Variants in CSNK2A2IP observed in about 807,000 individuals in gnomAD.
CSNK2A2IP encodes the protein casein kinase 2 subunit alpha' interacting protein, also known as casein kinase II subunit alpha'-interacting protein.
chr3:88,449,153 T>G, the CSNK2A2IP span, among the ~76,000 whole-genome samples: 1 of 152,146 alleles, frequency 6.6e-6, no homozygotes, highest in African/African-American at 2.4e-5. Context: ...TATTTTTGTT[T>G]TTATTTGGTG....
chr3:88,457,522 C>A, the CSNK2A2IP span, among the ~76,000 whole-genome samples: 1 of 151,610 alleles, frequency 6.6e-6, no homozygotes, highest in Admixed American at 6.6e-5. Context: ...ATGGTGAAAC[C>A]CAGTCTCTAC....
At chr3:88,418,544 A>G in the CSNK2A2IP span, among the ~76,000 whole-genome samples, 6 of 152,054 alleles carry the variant, frequency 3.9e-5, no homozygotes, top group African/African-American at 1.4e-4. Flanking sequence ...ATAAAATCAT[A>G]TTTTACTACT....
At chr3:88,462,050 A>G in the CSNK2A2IP span, among the ~76,000 whole-genome samples, 218 of 151,482 alleles carry the variant, frequency 1.4e-3, no homozygotes, top group Admixed American at 4.5e-3. Context: ...TGTTTTGCCC[A>G]TCCTAATTCC....
the CSNK2A2IP span, among the ~76,000 whole-genome samples, chr3:88,384,509 G>A: frequency 2.4e-4 from 37 of 152,170 alleles, no homozygotes; most frequent in Admixed American, 2.1e-3. Flanking sequence ...AAGCTGGTGC[G>A]GCTGTTGTAT....
the CSNK2A2IP span, among the ~76,000 whole-genome samples, chr3:88,379,065 C>T: frequency 1.3e-5 from 2 of 151,910 alleles, no homozygotes; most frequent in Admixed American, 6.6e-5. Context: ...TTGCTAGACA[C>T]GAAAATCATC....
chr3:88,439,529 G>A, the CSNK2A2IP span, among the ~76,000 whole-genome samples: 1 of 151,828 alleles, frequency 6.6e-6, no homozygotes, highest in African/African-American at 2.4e-5. Flanking sequence ...AGATCATGAG[G>A]TCAGGAGATG....
At chr3:88,371,434 G>T in the CSNK2A2IP span, among the ~76,000 whole-genome samples, 1 of 151,672 alleles carries the variant, frequency 6.6e-6, no homozygotes, top group African/African-American at 2.4e-5. Flanking sequence ...TACCTTAGAT[G>T]GGTTCAAAAG....
chr3:88,466,481 G>A, the CSNK2A2IP span: 1 of 1,231,892 alleles, frequency 8.1e-7, no homozygotes, highest in South Asian at 4.1e-5. Flanking sequence ...TTATTATCAA[G>A]CTCCAAACAC....
At chr3:88,435,976 T>TAATGCACATTATGTGTGCATTATA in the CSNK2A2IP span, among the ~76,000 whole-genome samples, 2 of 147,766 alleles carry the variant, frequency 1.4e-5, no homozygotes, top group African/African-American at 5.0e-5. Flanking sequence ...ATTATATATA[T>TAATGCACATTATGTGTGCATTATA]TTCAGGAAAA....
chr3:88,384,758 G>A, the CSNK2A2IP span, among the ~76,000 whole-genome samples: 1 of 152,168 alleles, frequency 6.6e-6, no homozygotes, highest in Non-Finnish European at 1.5e-5. Flanking sequence ...GGTGGAAGAT[G>A]TTGATAGCTT....
the CSNK2A2IP span, among the ~76,000 whole-genome samples, chr3:88,433,767 C>T: frequency 6.6e-6 from 1 of 152,150 alleles, no homozygotes; most frequent in African/African-American, 2.4e-5. Context: ...ACAGAGCAGA[C>T]ACATCCTGTA....
At chr3:88,341,328 AAG>A in the CSNK2A2IP span, among the ~76,000 whole-genome samples, 1 of 151,800 alleles carries the variant, frequency 6.6e-6, no homozygotes, top group Non-Finnish European at 1.5e-5. Context: ...AGAAATTGTA[AAG>A]GTAAAAATGA....
At chr3:88,437,879 G>A in the CSNK2A2IP span, among the ~76,000 whole-genome samples, 1 of 151,910 alleles carries the variant, frequency 6.6e-6, no homozygotes, top group East Asian at 1.9e-4. Flanking sequence ...AATATTTACA[G>A]AGTTAAATGT....
At chr3:88,422,674 A>T in the CSNK2A2IP span, among the ~76,000 whole-genome samples, 1 of 152,214 alleles carries the variant, frequency 6.6e-6, no homozygotes, top group Admixed American at 6.5e-5. Context: ...TTTCTCAAAT[A>T]AATAGGTTTC....
chr3:88,404,926 C>T, the CSNK2A2IP span, among the ~76,000 whole-genome samples: 3 of 152,108 alleles, frequency 2.0e-5, no homozygotes, highest in African/African-American at 7.2e-5. Context: ...TAATAAGAAC[C>T]CCCTGTTCCT....
At chr3:88,434,612 A>T in the CSNK2A2IP span, among the ~76,000 whole-genome samples, 6 of 152,098 alleles carry the variant, frequency 3.9e-5, no homozygotes, top group South Asian at 1.2e-3. Context: ...ATCCAAACCA[A>T]ACCAAAACAA....
chr3:88,432,247 A>G, the CSNK2A2IP span, among the ~76,000 whole-genome samples: 1 of 151,952 alleles, frequency 6.6e-6, no homozygotes, highest in Non-Finnish European at 1.5e-5. Flanking sequence ...GGAATGTTTT[A>G]GGAAACAATT....
chr3:88,409,700 T>G, the CSNK2A2IP span, among the ~76,000 whole-genome samples: 9 of 152,042 alleles, frequency 5.9e-5, no homozygotes, highest in Non-Finnish European at 1.0e-4. Context: ...AAGAAGCAAG[T>G]TATTTAGTCA....
At chr3:88,392,629 T>C in the CSNK2A2IP span, among the ~76,000 whole-genome samples, 4 of 152,296 alleles carry the variant, frequency 2.6e-5, no homozygotes, top group South Asian at 2.1e-4. Flanking sequence ...CACATTGCAA[T>C]TGAATTTTGG....
Sources: allele counts gnomAD v4.1 joint callset (sites outside exome capture counted in the v4.1 genomes callset), GRCh38; gene constraint gnomAD v4.1.1; transcripts MANE v1.5; gene names NCBI Gene and HGNC (gene_info 2026-07-23, HGNC 2026-07-21).